Variants in MAGI2 observed in about 807,000 individuals in gnomAD.
MAGI2 encodes the protein membrane-associated guanylate kinase, WW and PDZ domain-containing protein 2.
A neutral mutation model predicts 133.3 loss-of-function variants in MAGI2; 35 were observed. The observed-to-expected ratio is 0.26, with a 90% CI of 0.20 to 0.35. The LOEUF is 0.35. Among genes scored for constraint, MAGI2 ranks in the 10% least tolerant of loss-of-function variants. The probability of loss-of-function intolerance (pLI) is 1.00; values close to 1 mark genes in which losing one functional copy is unlikely to be tolerated. For missense variants in MAGI2, 1,636 were observed against 1,863.4 expected (o/e 0.88, Z 2.25); for synonymous variants, 729 against 710.6 (o/e 1.03, Z -0.41).
intron 20 of MAGI2, among the ~76,000 whole-genome samples, chr7:78,099,682 A>G (rs1818029118): frequency 6.6e-6 from 1 of 152,226 alleles, no homozygotes; most frequent in South Asian, 2.1e-4. Context: ...TACCTTTGTT[A>G]GCATAGAAAG....
At chr7:78,299,230 TA>T (rs1436518525) in intron 9 of MAGI2, among the ~76,000 whole-genome samples, 1 of 152,214 alleles carries the variant, frequency 6.6e-6, no homozygotes, top group Admixed American at 6.5e-5. Flanking sequence ...AACTATTTTT[TA>T]CTGGTTGCTA....
chr7:78,780,050 C>T (rs1253959823), intron 2 of MAGI2, among the ~76,000 whole-genome samples: 6 of 152,204 alleles, frequency 3.9e-5, no homozygotes, highest in Non-Finnish European at 8.8e-5. Flanking sequence ...AATGACTCTG[C>T]AAAACCATTG....
chr7:78,190,495 G>C (rs1036715051), intron 12 of MAGI2, among the ~76,000 whole-genome samples: 1 of 152,140 alleles, frequency 6.6e-6, no homozygotes, highest in African/African-American at 2.4e-5. Context: ...TGAGAGTCTA[G>C]GGTGGTGAAA....
chr7:79,145,029 A>G (rs939466108), intron 1 of MAGI2, among the ~76,000 whole-genome samples: 1 of 152,100 alleles, frequency 6.6e-6, no homozygotes, highest in African/African-American at 2.4e-5. Flanking sequence ...TGGGTTTGGA[A>G]ATGTTTTTCT....
intron 1 of MAGI2, among the ~76,000 whole-genome samples, chr7:79,246,689 T>A (rs2129555386): frequency 1.3e-5 from 2 of 152,266 alleles, no homozygotes; most frequent in Non-Finnish European, 1.5e-5. Context: ...AAAGAGTCAT[T>A]AGCCTTAAAG....
chr7:79,216,227 A>G (rs1830027414), intron 1 of MAGI2, among the ~76,000 whole-genome samples: 1 of 151,886 alleles, frequency 6.6e-6, no homozygotes, highest in Non-Finnish European at 1.5e-5. Flanking sequence ...AAAGGAGATT[A>G]TCCACTGGAT....
chr7:79,023,994 C>T (rs1464606649), intron 1 of MAGI2, among the ~76,000 whole-genome samples: 1 of 152,038 alleles, frequency 6.6e-6, no homozygotes. Flanking sequence ...ATTTTAAATT[C>T]ATATGGAACC....
intron 1 of MAGI2, among the ~76,000 whole-genome samples, chr7:79,118,750 T>A (rs1295448332): frequency 2.6e-5 from 4 of 152,052 alleles, no homozygotes; most frequent in African/African-American, 9.7e-5. Context: ...ACTACCCATA[T>A]CCCTCATGAC....
intron 5 of MAGI2, among the ~76,000 whole-genome samples, chr7:78,498,658 CA>C (rs930695365): frequency 8.5e-5 from 13 of 152,126 alleles, no homozygotes; most frequent in African/African-American, 3.1e-4. Flanking sequence ...GACGCTGATC[CA>C]CTGCCCGCTC....
intron 3 of MAGI2, among the ~76,000 whole-genome samples, chr7:78,542,851 G>T (rs759208101): frequency 6.6e-6 from 1 of 152,172 alleles, no homozygotes; most frequent in Non-Finnish European, 1.5e-5. Flanking sequence ...CTTTAAAAAT[G>T]ACTTCCTTCT....
intron 7 of MAGI2, among the ~76,000 whole-genome samples, chr7:78,346,570 A>C (rs1790931157): frequency 6.6e-6 from 1 of 152,200 alleles, no homozygotes. Flanking sequence ...CAGAATACAT[A>C]TGTAGGACAG....
intron 9 of MAGI2, among the ~76,000 whole-genome samples, chr7:78,283,963 AATT>A (rs1209289473): frequency 6.6e-6 from 1 of 152,144 alleles, no homozygotes; most frequent in Non-Finnish European, 1.5e-5. Context: ...ACTCAGGAGT[AATT>A]ATTTTTCATT....
chr7:78,971,505 A>G (rs1015308415), intron 2 of MAGI2, among the ~76,000 whole-genome samples: 1 of 152,084 alleles, frequency 6.6e-6, no homozygotes, highest in African/African-American at 2.4e-5. Context: ...AATGAAATAT[A>G]GGACACCCAG....
At chr7:79,090,799 C>G (rs1009315233) in intron 1 of MAGI2, among the ~76,000 whole-genome samples, 1 of 152,092 alleles carries the variant, frequency 6.6e-6, no homozygotes, top group Non-Finnish European at 1.5e-5. Context: ...TGAGTTATAT[C>G]CATGGTATCT....
At chr7:78,632,907 T>G (rs38123) in intron 2 of MAGI2, among the ~76,000 whole-genome samples, 94,847 of 152,026 alleles carry the variant, frequency 0.62, 29,939 homozygotes, top group East Asian at 0.92. Flanking sequence ...ATAACCAGAG[T>G]AATATAAATC....
At chr7:78,190,625 C>A (rs776186262) in intron 12 of MAGI2, among the ~76,000 whole-genome samples, 3 of 151,950 alleles carry the variant, frequency 2.0e-5, no homozygotes, top group Non-Finnish European at 4.4e-5. Flanking sequence ...GATTTCCTAT[C>A]AAATCAGAAA....
chr7:78,277,991 G>A (rs1795212713), intron 9 of MAGI2, among the ~76,000 whole-genome samples: 1 of 152,166 alleles, frequency 6.6e-6, no homozygotes, highest in South Asian at 2.1e-4. Context: ...ATCAGAGTAT[G>A]TGAATTTGAA....
At chr7:78,771,129 T>C (rs1479629663) in intron 2 of MAGI2, 1 of 152,238 alleles carries the variant, frequency 6.6e-6, no homozygotes, top group East Asian at 1.9e-4. Flanking sequence ...TCTCTCTCTC[T>C]CTCTGTCTCC....
At chr7:78,573,284 T>TATATTTATATATAAATATATATATATTTA (rs1563188890) in intron 3 of MAGI2, among the ~76,000 whole-genome samples, 2 of 26,874 alleles carry the variant, frequency 7.4e-5, no homozygotes, top group Admixed American at 7.1e-4. Flanking sequence ...ATATATATAT[T>TATATTTATATATAAATATATATATATTTA]TATATAAATA....
Sources: allele counts gnomAD v4.1 joint callset (sites outside exome capture counted in the v4.1 genomes callset), GRCh38; gene constraint gnomAD v4.1.1; transcripts MANE v1.5; gene names NCBI Gene and HGNC (gene_info 2026-07-23, HGNC 2026-07-21).